The following RELN variants were observed in gnomAD, a reference collection of about 807,000 sequenced individuals.
RELN encodes the protein reelin.
RELN carries 108 observed loss-of-function variants against 427.6 expected under a neutral mutation model. The observed-to-expected ratio is 0.25, with a 90% CI of 0.22 to 0.30. The LOEUF (loss-of-function observed/expected upper bound fraction) is 0.30, where lower values mean the gene tolerates loss of function less well. RELN is among the 10% of genes least tolerant of loss of function. The pLI, the probability that RELN is intolerant of heterozygous loss-of-function variation, is 1.00. For missense variants in RELN, 3,715 were observed against 4,302.8 expected (o/e 0.86, Z 3.82); for synonymous variants, 1,524 against 1,513.4 (o/e 1.01, Z -0.16).
intron 2 of RELN, among the ~76,000 whole-genome samples, chr7:103,849,056 A>G (rs1447917749): frequency 6.6e-6 from 1 of 152,210 alleles, no homozygotes; most frequent in Non-Finnish European, 1.5e-5. Context: ...ATGTCAGAAG[A>G]TGTGACAGTG....
intron 1 of RELN, among the ~76,000 whole-genome samples, chr7:103,967,163 G>A (rs1210955397): frequency 2.0e-5 from 3 of 152,142 alleles, no homozygotes; most frequent in African/African-American, 7.2e-5. Context: ...CTAAGGGCTA[G>A]TGGTAGTAGA....
rs1009474298 is a variant in RELN at position 103,988,651 on chromosome 7, G to A, written c.226+480C>T. Among the ~76,000 whole-genome samples the A allele has an allele frequency of 6.6e-6, 1 of 152,194 alleles. No homozygotes were observed. The highest frequency in any genetic ancestry group is 1.5e-5 in the Non-Finnish European group (1 of 68,038). ...AGCGGGAACTTTGCGGTCGAGCGGC[G>A]CGGGGCAGCCACAGACCTGGGCGCT... On this transcript the variant is annotated intron_variant, in intron 1 of 64. Transcript: ENST00000428762. This position sits in a 1 kb window ranked among gnomAD's most constrained non-coding sequence, Gnocchi z 4.9.
chr7:103,907,851 A>T (rs1404404862), intron 2 of RELN, among the ~76,000 whole-genome samples: 1 of 151,818 alleles, frequency 6.6e-6, no homozygotes, highest in Non-Finnish European at 1.5e-5. Context: ...TGTGTTACAT[A>T]GGTATATGTG....
At chr7:103,714,212 T>C (rs970458049) in intron 8 of RELN, among the ~76,000 whole-genome samples, 1 of 152,258 alleles carries the variant, frequency 6.6e-6, no homozygotes, top group African/African-American at 2.4e-5. Context: ...ACTACCTATA[T>C]AAATTTGTTC....
At chr7:103,551,336 G>A (rs1467095173) in intron 40 of RELN, 40 bp from the exon 41 acceptor site, 2 of 1,408,588 alleles carry the variant, frequency 1.4e-6, no homozygotes, top group Non-Finnish European at 2.0e-6. Context: ...TTACCTCAGA[G>A]CAACAAGCCT....
At chr7:103,808,232 A>C (rs1792648219) in intron 3 of RELN, among the ~76,000 whole-genome samples, 1 of 145,856 alleles carries the variant, frequency 6.9e-6, no homozygotes, top group Admixed American at 6.9e-5. Context: ...GGACACAGGA[A>C]GGGGAACATC....
intron 11 of RELN, among the ~76,000 whole-genome samples, chr7:103,665,354 GTGTGTGTGTATATATA>G (rs995613022): frequency 7.6e-5 from 10 of 130,870 alleles, no homozygotes; most frequent in Admixed American, 2.3e-4. Flanking sequence ...GTGTGTGTGT[GTGTGTGTGTATATATA>G]TATATATATA....
intron 19 of RELN, among the ~76,000 whole-genome samples, chr7:103,631,781 A>C (rs1239360643): frequency 6.6e-6 from 1 of 152,080 alleles, no homozygotes; most frequent in Non-Finnish European, 1.5e-5. Context: ...GCATATATTT[A>C]TAAAACTACA....
Position 103,482,737 on chromosome 7 carries a change from A to C in RELN, c.10280+136T>G, listed in dbSNP as rs552154544. Reference sequence around the variant, plus strand: ...ATTTGAGCTATAGCTTGCAGTTGCAAAAGAGTGTAAGCCAAAGTGCTCCTG... The same window carrying C: ...ATTTGAGCTATAGCTTGCAGTTGCACAAGAGTGTAAGCCAAAGTGCTCCTG... On this transcript the variant is annotated intron_variant, in intron 63 of 64. Transcript: ENST00000428762. 3 of 1,538,528 alleles carry C rather than the reference A, an allele frequency of 1.9e-6. No homozygotes were observed. In the East Asian group the frequency reaches 7.2e-5, roughly 37 times the overall value.
In RELN at chr7:103,557,179, G is replaced by C; in HGVS notation, c.5615-20C>G. ...GGGTACCTAGGAAGAAGATAACACAGGTATAAAACATACTGTGATAAAAAT... is the reference window on the plus strand; with the variant it reads ...GGGTACCTAGGAAGAAGATAACACACGTATAAAACATACTGTGATAAAAAT... On this transcript the variant is annotated intron_variant, in intron 37 of 64. Coordinates refer to ENST00000428762, the MANE Select transcript of RELN (RefSeq NM_005045.4). 1.3e-6 allele frequency: 2 copies of C among 1,584,390 alleles called. No individual in the cohort carries two copies. Among genetic ancestry groups the C allele is most frequent in the Non-Finnish European group, 1.7e-6 (2 of 1,153,300 alleles).
chr7:103,755,945 AC>A (rs1584467770), intron 4 of RELN, among the ~76,000 whole-genome samples: 1 of 152,298 alleles, frequency 6.6e-6, no homozygotes, highest in East Asian at 1.9e-4. Context: ...ACAGTATGGA[AC>A]TTTTCAAATT....
At chr7:103,916,971 T>C in intron 2 of RELN, 104 bp downstream of exon 2, 2 of 885,796 alleles carry the variant, frequency 2.3e-6, no homozygotes, top group Non-Finnish European at 3.8e-6. Context: ...ATTATTTTCT[T>C]GGAAGTAATA....
At chr7:103,737,761 C>T (rs1790530706) in intron 6 of RELN, among the ~76,000 whole-genome samples, 1 of 152,144 alleles carries the variant, frequency 6.6e-6, no homozygotes, top group Non-Finnish European at 1.5e-5. Context: ...CGCTATTTCC[C>T]CGGTCCTGTA....
chr7:103,654,052 G>T, intron 13 of RELN, 41 bp downstream of exon 13: 1 of 1,148,190 alleles, frequency 8.7e-7, no homozygotes, highest in Non-Finnish European at 1.3e-6. Flanking sequence ...GTCCAGGGTG[G>T]TCTGAGGTGG....
chr7:103,818,853 C>A (rs1259934635), intron 3 of RELN, among the ~76,000 whole-genome samples: 1 of 149,994 alleles, frequency 6.7e-6, no homozygotes, highest in Non-Finnish European at 1.5e-5. Flanking sequence ...ATAATAGAAC[C>A]CCAAGTTTGT....
At chr7:103,690,318 C>T (rs1231871573) in intron 10 of RELN, among the ~76,000 whole-genome samples, 2 of 151,954 alleles carry the variant, frequency 1.3e-5, no homozygotes, top group African/African-American at 2.4e-5. Context: ...TAATCCTTGA[C>T]GGTAAAACCA....
At chr7:103,498,655 C>T (rs147497077) in intron 53 of RELN, among the ~76,000 whole-genome samples, 2,312 of 152,012 alleles carry the variant, frequency 0.015, 63 homozygotes, top group African/African-American at 0.053. Context: ...CCACACCTGG[C>T]TATTTTTTGT....
intron 12 of RELN, among the ~76,000 whole-genome samples, chr7:103,655,986 G>A (rs955312734): frequency 6.6e-6 from 1 of 151,990 alleles, no homozygotes; most frequent in Non-Finnish European, 1.5e-5. Context: ...TCTGAGCTTA[G>A]AGCATGAGTC....
intron 15 of RELN, among the ~76,000 whole-genome samples, chr7:103,650,850 T>G (rs75297001): frequency 0.036 from 5,405 of 152,172 alleles, 148 homozygotes; most frequent in East Asian, 0.14. Context: ...GTCTCAAACT[T>G]CTGACCTCAA....
Sources: allele counts gnomAD v4.1 joint callset (sites outside exome capture counted in the v4.1 genomes callset), GRCh38; gene constraint gnomAD v4.1.1; non-coding constraint Gnocchi (gnomAD v3.1); transcripts MANE v1.5; gene names NCBI Gene and HGNC (gene_info 2026-07-23, HGNC 2026-07-21).